Variants in HAUS1 observed in about 807,000 individuals in gnomAD.
HAUS1 encodes the protein HAUS augmin-like complex subunit 1.
A neutral mutation model predicts 38.6 loss-of-function variants in HAUS1; 25 were observed. That is an observed-to-expected ratio of 0.65 (90% CI 0.47 to 0.91). HAUS1 has a LOEUF of 0.91. Ranked by LOEUF, HAUS1 falls within the 40% of genes least tolerant of loss-of-function variation. HAUS1 has a pLI of 0.00. For synonymous variants in HAUS1, 109 were observed against 112.9 expected (o/e 0.97, Z 0.22); for missense variants, 325 against 328.4 (o/e 0.99, Z 0.08).
intron 2 of HAUS1, among the ~76,000 whole-genome samples, chr18:46,114,174 T>C (rs1224527984): frequency 6.6e-6 from 1 of 152,244 alleles, no homozygotes; most frequent in African/African-American, 2.4e-5. Flanking sequence ...TACAAACTAA[T>C]TGCCCTACAG....
chr18:46,109,633 T>G (rs774286758), intron 2 of HAUS1: 8 of 152,034 alleles, frequency 5.3e-5, no homozygotes, highest in South Asian at 2.1e-4. Flanking sequence ...TTTTTTTTTT[T>G]CCTCCCGAGA....
intron 2 of HAUS1, among the ~76,000 whole-genome samples, chr18:46,107,020 A>AC (rs201347420): frequency 0.012 from 1,843 of 151,930 alleles, 28 homozygotes; most frequent in Admixed American, 0.035. Flanking sequence ...CTCAACAACA[A>AC]AAAAAAATTA....
chr18:46,116,886 C>T (rs1911810831), intron 2 of HAUS1, among the ~76,000 whole-genome samples: 1 of 152,130 alleles, frequency 6.6e-6, no homozygotes, highest in Non-Finnish European at 1.5e-5. Flanking sequence ...TAGTGGTCCA[C>T]AGGTACCTGT....
chr18:46,118,457 T>C lies in HAUS1; in HGVS notation c.341+141T>C. On this transcript the variant is annotated intron_variant, in intron 3 of 8. Coordinates refer to ENST00000282058, the MANE Select transcript of HAUS1 (RefSeq NM_138443.4). ...TTTAGTTACTTCATGTCTTTGCCAG[T>C]GAGTATAATTAATTTGGATAAATAT... is the stretch of plus-strand genomic sequence containing the variant. 4.3e-6 allele frequency: 3 copies of C among 693,302 alleles called. No individual in the cohort carries two copies. In the South Asian group the frequency reaches 5.8e-5, roughly 13 times the overall value. The allele number at this position is 693,302 out of a possible 1,614,324, so 42.9% of individuals were successfully genotyped here. A position where few individuals can be genotyped will look rare whatever the true frequency, so the allele number is the denominator to read the frequency against.
Position 46,118,247 on chromosome 18 carries a change from G to A in HAUS1, c.272G>A (p.Gly91Asp), listed in dbSNP as rs149995966. 82 of 1,612,640 alleles carry A rather than the reference G, an allele frequency of 5.1e-5. No individual in the cohort carries two copies. The African/African-American group carries it at 9.1e-4, about 18-fold the overall frequency. ...TCCCCCGCCAATCTCTCTAGCACTG[G>A]TTCCAGGTATCTGAATGCTTTGGTT... Reference protein sequence around the residue: ...NFSPANLSSTGSRYLNALVDS... With the variant: ...NFSPANLSSTDSRYLNALVDS... Residue 91 changes from glycine (G) to aspartate (D), a missense_variant, in exon 3 of 9, where the codon GGT becomes GAT. By Grantham distance (94) the Gly-to-Asp change is moderately conservative. Coordinates refer to ENST00000282058, the MANE Select transcript of HAUS1 (RefSeq NM_138443.4).
chr18:46,113,062 A>T (rs1227976830), intron 2 of HAUS1, among the ~76,000 whole-genome samples: 7 of 133,904 alleles, frequency 5.2e-5, no homozygotes, highest in African/African-American at 1.7e-4. Flanking sequence ...TTATATATAT[A>T]ATATATATAT....
Position 46,126,804 on chromosome 18 carries a change from TA to T in HAUS1, c.786+1014del, listed in dbSNP as rs1393520953. On this transcript the variant is annotated intron_variant, in intron 8 of 8. Transcript: ENST00000282058. Reference sequence around the variant, plus strand: ...CATGCCTGGCTAATTTTTGCATTTTTATTTATTTATTTATTTATTTATTTAT... The same window carrying T: ...CATGCCTGGCTAATTTTTGCATTTTTTTTATTTATTTATTTATTTATTTAT... 282 of 92,890 alleles carry T rather than the reference TA, an allele frequency of 3.0e-3. 4 individuals are homozygous for T. Among genetic ancestry groups the T allele is most frequent in the Non-Finnish European group, 5.1e-3 (222 of 43,484 alleles). 5.8% of individuals were successfully genotyped at this position (92,890 alleles called of 1,614,324 possible).
At chr18:46,105,109 GCTTTTGATCACTT>G (rs1911422972) in intron 1 of HAUS1, 72 bp from the exon 2 acceptor site, 1 of 951,226 alleles carries the variant, frequency 1.1e-6, no homozygotes. Context: ...CATTTAGTTT[GCTTTTGATCACTT>G]CTTTGTCATA....
At chr18:46,127,630 C>T (rs757135667) in intron 8 of HAUS1, among the ~76,000 whole-genome samples, 18 of 150,396 alleles carry the variant, frequency 1.2e-4, no homozygotes, top group Admixed American at 2.0e-4. Flanking sequence ...TGCTTGAACC[C>T]GGGAAGCAGA....
chr18:46,113,619 T>G (rs988808107), intron 2 of HAUS1, among the ~76,000 whole-genome samples: 6 of 152,198 alleles, frequency 3.9e-5, no homozygotes, highest in Non-Finnish European at 8.8e-5. Flanking sequence ...TTATGGATAT[T>G]TGAAGTTTTT....
chr18:46,127,474 A>AG (rs150263429), intron 8 of HAUS1, among the ~76,000 whole-genome samples: 25,558 of 151,378 alleles, frequency 0.17, 3,055 homozygotes, highest in East Asian at 0.41. Context: ...TGGGAGGCCA[A>AG]GTGGGTGGAT....
chr18:46,104,769 AC>A (rs35861434), intron 1 of HAUS1, among the ~76,000 whole-genome samples: 34,581 of 151,914 alleles, frequency 0.23, 4,926 homozygotes, highest in Middle Eastern at 0.38. Context: ...CCACATCTGA[AC>A]TGCTTCCGCG....
At chr18:46,119,862 C>A (rs1433547975) in intron 3 of HAUS1, 64 bp from the exon 4 acceptor site, 12 of 1,365,410 alleles carry the variant, frequency 8.8e-6, no homozygotes, top group South Asian at 1.6e-5. Flanking sequence ...TCATTTTTAG[C>A]AATGAGGAGT....
chr18:46,110,333 G>GTTTTTTTTT (rs71160713), intron 2 of HAUS1, among the ~76,000 whole-genome samples: 15 of 50,012 alleles, frequency 3.0e-4, no homozygotes, highest in East Asian at 7.0e-4. Context: ...TTTTTTTAAG[G>GTTTTTTTTT]TTTTTTTTTT....
intron 6 of HAUS1, 89 bp downstream of exon 6, chr18:46,123,453 T>G: frequency 1.1e-6 from 1 of 882,572 alleles, no homozygotes; most frequent in East Asian, 2.4e-5. Context: ...CGGCTTTTAT[T>G]CACTGTGGAC....
chr18:46,113,007 GAATATATATATTCCATATTATATATAT>G lies in HAUS1; in HGVS notation c.206-5128_206-5102del, dbSNP rs71160717. The stretch of plus-strand genomic sequence containing the variant: ...ATATAATATATATTCCATATATATG[GAATATATATATTCCATATTATATATAT>G]AATATATATATTCCATATTATATAT... On this transcript the variant is annotated intron_variant, in intron 2 of 8. Transcript: ENST00000282058. 2.2e-3 allele frequency among the ~76,000 whole-genome samples: 120 copies of G among 54,218 alleles called. 3 individuals are homozygous for G. Among genetic ancestry groups the G allele is most frequent in the South Asian group, 4.3e-3 (8 of 1,850 alleles). The allele number at this position is 54,218 out of a possible 152,430, so 35.6% of individuals were successfully genotyped here.
intron 2 of HAUS1, among the ~76,000 whole-genome samples, chr18:46,109,279 A>G (rs185259215): frequency 6.6e-6 from 1 of 152,242 alleles, no homozygotes; most frequent in Admixed American, 6.5e-5. Flanking sequence ...AGAACTCACT[A>G]TCACGAGAAC....
chr18:46,118,312 G>A lies in HAUS1; in HGVS notation c.337G>A (p.Ala113Thr). 6.2e-7 allele frequency: 1 copy of A among 1,613,562 alleles called. No homozygotes were observed. The highest frequency in any genetic ancestry group is 8.5e-7 in the Non-Finnish European group (1 of 1,179,900). Residue 113 changes from alanine to threonine, a missense_variant, in exon 3 of 9, where the codon GCT becomes ACT. Ala to Thr is a moderately conservative substitution (Grantham distance 58, BLOSUM62 0). Transcript: ENST00000282058. Reference sequence around the variant, plus strand: ...CCTTGAAACAAAGGATACCTCGCTAGCTAGGTAATTCTTATGACAGTTTTA... The same window carrying A: ...CCTTGAAACAAAGGATACCTCGCTAACTAGGTAATTCTTATGACAGTTTTA... ...VALETKDTSL[A>T]SFIPAVNDLT...
chr18:46,118,052 T>G, intron 2 of HAUS1, 129 bp from the exon 3 acceptor site: 1 of 797,632 alleles, frequency 1.3e-6, no homozygotes, highest in Non-Finnish European at 2.0e-6. Flanking sequence ...GGGATACAAC[T>G]AAAAGCCACT....
Sources: gnomAD v4.1 joint callset for allele counts (sites outside exome capture counted in the v4.1 genomes callset) on GRCh38, gnomAD v4.1.1 for gene constraint, MANE v1.5 for transcripts, NCBI Gene and HGNC (gene_info 2026-07-23, HGNC 2026-07-21) for gene names.